NXPE2: variants seen among roughly 807,000 people sequenced by gnomAD.
NXPE2 encodes neurexophilin and PC-esterase domain family member 2, also known as NXPE family member 2.
A neutral mutation model predicts 34.4 loss-of-function variants in NXPE2; 34 were observed. The observed-to-expected ratio is 0.99, with a 90% CI of 0.75 to 1.31. NXPE2 has a LOEUF of 1.31. Ranked by LOEUF, NXPE2 falls within the 40% of genes most tolerant of loss-of-function variation. The pLI is 0.00. For synonymous variants in NXPE2, 235 were observed against 231.3 expected, an observed-to-expected ratio of 1.02 and a Z score of -0.15; for missense variants, 649 against 672.5, an observed-to-expected ratio of 0.97 and a Z score of 0.39.
chr11:114,762,976 C>T, the NXPE2 span, among the ~76,000 whole-genome samples: 6 of 152,070 alleles, frequency 3.9e-5, no homozygotes, highest in African/African-American at 1.4e-4. Flanking sequence ...TGGGATGCCA[C>T]ACCAGCCTCC....
intron 2 of NXPE2, among the ~76,000 whole-genome samples, chr11:114,680,399 C>T (rs1328654833): frequency 6.6e-6 from 1 of 152,070 alleles, no homozygotes; most frequent in Non-Finnish European, 1.5e-5. Context: ...CACAGACTTA[C>T]CTCCAAGCTT....
chr11:114,688,825 A>T (rs1951093843), intron 2 of NXPE2, among the ~76,000 whole-genome samples: 1 of 151,946 alleles, frequency 6.6e-6, no homozygotes, highest in Non-Finnish European at 1.5e-5. Flanking sequence ...ATTGTAAGAG[A>T]TTATGAGTTT....
chr11:114,586,664 T>A, the NXPE2 span, among the ~76,000 whole-genome samples: 3 of 152,162 alleles, frequency 2.0e-5, no homozygotes, highest in African/African-American at 4.8e-5. Flanking sequence ...TGAAGGTTCC[T>A]TGCCAGGGAG....
At chr11:114,612,774 A>AC in the NXPE2 span, among the ~76,000 whole-genome samples, 110 of 152,114 alleles carry the variant, frequency 7.2e-4, no homozygotes, top group African/African-American at 2.6e-3. Flanking sequence ...GTGGGTAACC[A>AC]CTGTTACCTG....
At chr11:114,740,033 C>CTATA in the NXPE2 span, among the ~76,000 whole-genome samples, 4 of 151,704 alleles carry the variant, frequency 2.6e-5, no homozygotes, top group East Asian at 1.9e-4. Flanking sequence ...GTACCAAACA[C>CTATA]TATATATATA....
the NXPE2 span, among the ~76,000 whole-genome samples, chr11:114,588,163 C>G: frequency 6.6e-6 from 1 of 152,148 alleles, no homozygotes; most frequent in African/African-American, 2.4e-5. Flanking sequence ...TATTGAGTGT[C>G]CAGGCCCTTC....
chr11:114,680,444 C>T (rs1443941493), intron 2 of NXPE2, among the ~76,000 whole-genome samples: 1 of 152,038 alleles, frequency 6.6e-6, no homozygotes, highest in African/African-American at 2.4e-5. Context: ...GGCATTCAGC[C>T]GGTAATATGA....
At chr11:114,682,385 A>G (rs1056427744) in intron 2 of NXPE2, among the ~76,000 whole-genome samples, 3 of 152,104 alleles carry the variant, frequency 2.0e-5, no homozygotes, top group African/African-American at 7.2e-5. Flanking sequence ...ACCTCTTCCA[A>G]GATAGTCCCT....
the NXPE2 span, among the ~76,000 whole-genome samples, chr11:114,751,117 C>T: frequency 9.3e-3 from 1,408 of 152,036 alleles, 22 homozygotes; most frequent in African/African-American, 0.031. Flanking sequence ...GGATAGAGAC[C>T]GAAGAAGCAT....
chr11:114,762,807 C>T, the NXPE2 span, among the ~76,000 whole-genome samples: 3 of 152,172 alleles, frequency 2.0e-5, no homozygotes, highest in Non-Finnish European at 4.4e-5. Context: ...ACAAATGGCA[C>T]ATTCAGAAGC....
rs767553086 is a variant in NXPE2 at position 114,698,689 on chromosome 11, A to G, written c.777A>G (p.Gln259=). 6.2e-7 allele frequency: 1 copy of G among 1,614,066 alleles called. No homozygotes were observed. Among genetic ancestry groups the G allele is most frequent in the Non-Finnish European group, 8.5e-7 (1 of 1,179,878 alleles). Residue 259 remains glutamine (Q), a synonymous_variant, in exon 3 of 6, where the codon CAA becomes CAG. Coordinates refer to ENST00000389586, the MANE Select transcript of NXPE2 (RefSeq NM_182495.6). ...AAGCCTTCTACTGTGTGAGGCCTCAACATATGCCCTGTGAGGCCTTGACCC... is the reference window on the plus strand; with the variant it reads ...AAGCCTTCTACTGTGTGAGGCCTCAGCATATGCCCTGTGAGGCCTTGACCC... ...DQEAFYCVRP[Q]HMPCEALTHM...
At chr11:114,573,017 A>G in the NXPE2 span, among the ~76,000 whole-genome samples, 1 of 152,226 alleles carries the variant, frequency 6.6e-6, no homozygotes, top group East Asian at 1.9e-4. Flanking sequence ...CTGATTTCTC[A>G]GCAGAAACCC....
the NXPE2 span, chr11:114,571,124 A>T: frequency 1.9e-5 from 30 of 1,613,982 alleles, no homozygotes; most frequent in East Asian, 6.2e-4. Context: ...ATCTTTCTGC[A>T]TCATTGTACA....
At chr11:114,807,901 C>G in the NXPE2 span, among the ~76,000 whole-genome samples, 1 of 152,216 alleles carries the variant, frequency 6.6e-6, no homozygotes, top group Non-Finnish European at 1.5e-5. Context: ...TTCTTTTCAT[C>G]ACCACACCAT....
chr11:114,722,016 A>G, the NXPE2 span, among the ~76,000 whole-genome samples: 2 of 152,236 alleles, frequency 1.3e-5, no homozygotes, highest in African/African-American at 2.4e-5. Context: ...GAGTTTAAAA[A>G]GAGGAGGCAG....
chr11:114,755,736 A>ATCTCTCTCTCTC, the NXPE2 span, among the ~76,000 whole-genome samples: 328 of 148,288 alleles, frequency 2.2e-3, 3 homozygotes, highest in African/African-American at 7.9e-3. Context: ...CTCTTCACCC[A>ATCTCTCTCTCTC]TCTCTCTCTC....
At chr11:114,618,614 A>G in the NXPE2 span, among the ~76,000 whole-genome samples, 3 of 151,856 alleles carry the variant, frequency 2.0e-5, no homozygotes, top group South Asian at 2.1e-4. Context: ...GATAATAAGT[A>G]TTGCCTTGTG....
At chr11:114,595,072 C>T in the NXPE2 span, among the ~76,000 whole-genome samples, 1 of 152,106 alleles carries the variant, frequency 6.6e-6, no homozygotes, top group East Asian at 1.9e-4. Context: ...ATGAAGTCTC[C>T]AGACTATTTG....
chr11:114,484,140 A>T, the NXPE2 span, among the ~76,000 whole-genome samples: 2 of 151,988 alleles, frequency 1.3e-5, no homozygotes, highest in South Asian at 2.1e-4. Flanking sequence ...ACCTAATGTG[A>T]CTCAGCAGCT....
Sources: gnomAD v4.1 joint callset for allele counts (sites outside exome capture counted in the v4.1 genomes callset) on GRCh38, gnomAD v4.1.1 for gene constraint, MANE v1.5 for transcripts, NCBI Gene and HGNC (gene_info 2026-07-23, HGNC 2026-07-21) for gene names.